EPHB4: variants seen among roughly 807,000 people sequenced by gnomAD.
EPHB4 encodes the protein EPH receptor B4, also known as ephrin type-B receptor 4.
Under a neutral mutation model 110.6 loss-of-function variants are expected in EPHB4, and 50 were observed. That is an observed-to-expected ratio of 0.45 (90% CI 0.36 to 0.57). The LOEUF is 0.57. Among genes scored for constraint, EPHB4 ranks in the 20% least tolerant of loss-of-function variants. The probability of loss-of-function intolerance (pLI) is 0.00; values close to 1 mark genes in which losing one functional copy is unlikely to be tolerated. For synonymous variants in EPHB4, 592 were observed against 578.4 expected, an observed-to-expected ratio of 1.02 and a Z score of -0.34; for missense variants, 1,128 against 1,382.1, an observed-to-expected ratio of 0.82 and a Z score of 2.91.
chr7:100,818,175 G>GT, intron 7 of EPHB4, among the ~76,000 whole-genome samples: 1 of 151,592 alleles, frequency 6.6e-6, no homozygotes, highest in South Asian at 2.1e-4. Context: ...CCCATTTTAA[G>GT]TTTTTTATAG....
In EPHB4 at chr7:100,803,194, G is replaced by T; in HGVS notation, c.*267C>A. On this transcript the variant is annotated 3_prime_UTR_variant, in exon 17 of 17. Transcript: ENST00000358173. ...GCACCTGGGGAGGCTGGGAGATGTTGGGCACTTCCTTTTCCTCTGGTCACA... is the reference window on the plus strand; with the variant it reads ...GCACCTGGGGAGGCTGGGAGATGTTTGGCACTTCCTTTTCCTCTGGTCACA... 3.3e-6 allele frequency: 1 copy of T among 300,570 alleles called. No individual in the cohort carries two copies. Among genetic ancestry groups the T allele is most frequent in the Non-Finnish European group, 6.1e-6 (1 of 163,244 alleles). The allele number at this position is 300,570 out of a possible 1,614,324, so 18.6% of individuals were successfully genotyped here. A position where few individuals can be genotyped will look rare whatever the true frequency, so the allele number is the denominator to read the frequency against.
chr7:100,807,642 C>A (rs529624029), intron 12 of EPHB4, 62 bp from the exon 13 acceptor site: 59 of 1,532,246 alleles, frequency 3.9e-5, no homozygotes, highest in Non-Finnish European at 5.0e-5. Context: ...CCCCTCCCAT[C>A]CACATCTTTT....
chr7:100,815,135 A>G (rs1813035828), intron 8 of EPHB4, among the ~76,000 whole-genome samples: 1 of 152,080 alleles, frequency 6.6e-6, no homozygotes, highest in African/African-American at 2.4e-5. Context: ...CCTGGGAAAC[A>G]TGGTGAAACC....
chr7:100,807,359 C>G lies in EPHB4; in HGVS notation c.2334+6G>C, dbSNP rs1464966143. On this transcript the variant is annotated splice_donor_region_variant and intron_variant, in intron 13 of 16. Transcript: ENST00000358173. Reference sequence around the variant, plus strand: ...AGCTCACACCCAGTATTACCCCCAGCATTACCAGGGAGCTCGTGTAGGTGG... The same window carrying G: ...AGCTCACACCCAGTATTACCCCCAGGATTACCAGGGAGCTCGTGTAGGTGG... 2 of 1,613,236 alleles carry G rather than the reference C, an allele frequency of 1.2e-6. No homozygotes were observed. The highest frequency in any genetic ancestry group is 1.1e-5 in the South Asian group (1 of 91,072).
chr7:100,805,131 C>A, intron 16 of EPHB4, 35 bp downstream of exon 16: 1 of 1,602,060 alleles, frequency 6.2e-7, no homozygotes, highest in South Asian at 1.1e-5. Context: ...CTGCCCCGCT[C>A]TCCCAGCCCC....
At chr7:100,826,024 C>T (rs1158924201) in intron 1 of EPHB4, among the ~76,000 whole-genome samples, 1 of 152,216 alleles carries the variant, frequency 6.6e-6, no homozygotes, top group Non-Finnish European at 1.5e-5. Flanking sequence ...TTTCTAACGC[C>T]GCTGAATCCT....
chr7:100,819,775 C>A lies in EPHB4; in HGVS notation c.1079G>T (p.Arg360Leu). ...GCCTCCGGGTCGGCACTCCCGGCAG[C>A]GGAGGGCGTAGGTGAGGTCCTCTCG... is the stretch of plus-strand genomic sequence containing the variant. ...GGREDLTYAL[R>L]CRECRPGGSC... is the part of the protein sequence containing the mutation. Residue 360 changes from arginine (R) to leucine (L), a missense_variant, in exon 6 of 17, where the codon CGC (arginine) becomes CTC (leucine). By Grantham distance (102) the Arg-to-Leu change is moderately radical. Around this residue, in one of 3 missense-constraint regions of EPHB4, gnomAD observed 728 missense variants for 828.6 expected, o/e 0.88. Transcript: ENST00000358173. The A allele has an allele frequency of 6.3e-7, 1 of 1,588,890 alleles. No homozygotes were observed. The highest frequency in any genetic ancestry group is 8.6e-7 in the Non-Finnish European group (1 of 1,168,040).
chr7:100,813,439 C>T, intron 10 of EPHB4: 1 of 681,694 alleles, frequency 1.5e-6, no homozygotes, highest in South Asian at 1.8e-5. Context: ...CCTCAGCCTC[C>T]TGAGTAGCTG....
At position 100,807,369 on chromosome 7, in the gene EPHB4, G is replaced by A; in HGVS notation, c.2330C>T (p.Ser777Phe). ...ENSSDPTYTS[S>F]LGGKIPIRWT... ...CAGTATTACCCCCAGCATTACCAGG[G>A]AGCTCGTGTAGGTGGGATCGGAAGA... The change falls in exon 13 of 17, where the codon TCC (serine) becomes TTC (phenylalanine). Residue 777 changes from serine to phenylalanine, a missense_variant. Physicochemically the swap from Ser to Phe is radical, Grantham distance 155 (BLOSUM62 -2). This residue lies in a region of EPHB4 where 191 missense variants were observed against 313.0 expected (regional missense o/e 0.61). Transcript: ENST00000358173. The A allele has an allele frequency of 1.2e-6, 2 of 1,613,594 alleles. No homozygotes were observed. Among genetic ancestry groups the A allele is most frequent in the Non-Finnish European group, 1.7e-6 (2 of 1,179,882 alleles).
intron 8 of EPHB4, among the ~76,000 whole-genome samples, chr7:100,815,136 T>C (rs912092970): frequency 2.0e-5 from 3 of 151,672 alleles, no homozygotes; most frequent in African/African-American, 7.3e-5. Flanking sequence ...CTGGGAAACA[T>C]GGTGAAACCC....
At chr7:100,811,403 G>A (rs750594241) in intron 12 of EPHB4, among the ~76,000 whole-genome samples, 1 of 151,448 alleles carries the variant, frequency 6.6e-6, no homozygotes, top group Non-Finnish European at 1.5e-5. Flanking sequence ...GAAATGATTT[G>A]TTTACTTTTT....
At position 100,805,295 on chromosome 7, in the gene EPHB4, C is replaced by G; in HGVS notation, c.2705G>C (p.Arg902Pro). Residue 902 changes from arginine to proline, a missense_variant, in exon 16 of 17, where the codon CGG becomes CCG. Arg to Pro is a moderately radical substitution (Grantham distance 103, BLOSUM62 -2). Transcript: ENST00000358173. ...GCCAAAAGCTGAGTAGTGAGGCTGC[C>G]GCTGGTCCAGGAGAGGGTGTGAGGC... The part of the protein sequence containing the change: ...GGASHPLLDQ[R>P]QPHYSAFGSV... 1 of 1,613,742 alleles carries G rather than the reference C, an allele frequency of 6.2e-7. No individual in the cohort carries two copies. The highest frequency in any genetic ancestry group is 8.5e-7 in the Non-Finnish European group (1 of 1,179,860).
rs189860002 is a variant in EPHB4, at chr7:100,820,350, G to A, written c.809-54C>T. 113 of 1,560,194 alleles carry A rather than the reference G, an allele frequency of 7.2e-5. No individual in the cohort carries two copies. In the East Asian group the frequency reaches 1.8e-3, roughly 24 times the overall value. On this transcript the variant is annotated intron_variant, in intron 4 of 16. Transcript: ENST00000358173. ...CATGCACAAAAACATCCATCTGCAC[G>A]GTGGGCTCGGTGGCTCATGCCTCGA...
Position 100,807,368 on chromosome 7 carries a change from G to C in EPHB4, c.2331C>G (p.Ser777=), listed in dbSNP as rs374120458. ...CCAGTATTACCCCCAGCATTACCAG[G>C]GAGCTCGTGTAGGTGGGATCGGAAG... ...ENSSDPTYTS[S]LGGKIPIRWT... Residue 777 remains serine (S), a synonymous_variant, in exon 13 of 17, where the codon TCC becomes TCG. Coordinates refer to ENST00000358173, the MANE Select transcript of EPHB4 (RefSeq NM_004444.5). 5.0e-6 allele frequency: 8 copies of C among 1,613,534 alleles called. No homozygotes were observed. Among genetic ancestry groups the C allele is most frequent in the African/African-American group, 1.3e-5 (1 of 75,006 alleles).
At chr7:100,809,509 T>C (rs1812884228) in intron 12 of EPHB4, among the ~76,000 whole-genome samples, 1 of 152,172 alleles carries the variant, frequency 6.6e-6, no homozygotes, top group Non-Finnish European at 1.5e-5. Flanking sequence ...CAGTTTCACC[T>C]GTGCTGGTCT....
Position 100,827,119 on chromosome 7 carries a change from A to C in EPHB4, c.-89T>G. 7.1e-7 allele frequency: 1 copy of C among 1,415,554 alleles called. No homozygotes were observed. The highest frequency in any genetic ancestry group is 2.3e-5 in the Admixed American group (1 of 43,830). The allele number at this position is 1,415,554 out of a possible 1,614,324, so 87.7% of individuals were successfully genotyped here. ...ACTCTCCCTGGGCGGGTGGACGCCGATACTCCGCGCGGGACTCCTCGTCGG... is the reference window on the plus strand; with the variant it reads ...ACTCTCCCTGGGCGGGTGGACGCCGCTACTCCGCGCGGGACTCCTCGTCGG... On this transcript the variant is annotated 5_prime_UTR_variant, in exon 1 of 17. Transcript: ENST00000358173.
chr7:100,814,098 A>C, intron 8 of EPHB4, 77 bp from the exon 9 acceptor site: 1 of 1,512,578 alleles, frequency 6.6e-7, no homozygotes, highest in South Asian at 1.2e-5. Context: ...TGAGCAATGA[A>C]CTGTGATCTC....
chr7:100,823,841 A>G lies in EPHB4; in HGVS notation c.214T>C (p.Trp72Arg). 1 of 1,613,120 alleles carries G rather than the reference A, an allele frequency of 6.2e-7. No homozygotes were observed. Among genetic ancestry groups the G allele is most frequent in the Non-Finnish European group, 8.5e-7 (1 of 1,179,834 alleles). Residue 72 changes from tryptophan (W) to arginine (R), a missense_variant, in exon 3 of 17, where the codon TGG (tryptophan) becomes CGG (arginine). Transcript: ENST00000358173. ...DVQRAPGQAHWLRTGWVPRRG... is the reference protein window; with the variant it reads ...DVQRAPGQAHRLRTGWVPRRG... ...CGTGGGACCCAACCTGTGCGAAGCC[A>G]GTGGGCCTGGCCCGGGGCACGCTGC...
In EPHB4 at chr7:100,822,722, G is replaced by T. The variant is rs1405687461; in HGVS notation, c.412-55C>A. The T allele has an allele frequency of 2.5e-5, 37 of 1,460,858 alleles. No individual in the cohort carries two copies. The highest frequency in any genetic ancestry group is 3.3e-5 in the Non-Finnish European group (36 of 1,104,110). 90.5% of individuals were successfully genotyped at this position (1,460,858 alleles called of 1,614,324 possible). ...TGTCCCCACTCCCTGAGGACCCAGC[G>T]GACTGTTGTGTTCTTCCCAGCTCAC... On this transcript the variant is annotated intron_variant, in intron 3 of 16. Transcript: ENST00000358173. The surrounding 1 kb of genome is among the most constrained non-coding windows in gnomAD (Gnocchi z 4.7).
Sources: allele counts gnomAD v4.1 joint callset (sites outside exome capture counted in the v4.1 genomes callset), GRCh38; gene constraint gnomAD v4.1.1; regional missense constraint gnomAD v4.1.1; non-coding constraint Gnocchi (gnomAD v3.1); transcripts MANE v1.5; gene names NCBI Gene and HGNC (gene_info 2026-07-23, HGNC 2026-07-21).